Variants in PTPRG observed in about 807,000 individuals in gnomAD.
PTPRG encodes protein tyrosine phosphatase receptor type G.
Under a neutral mutation model 165.3 loss-of-function variants are expected in PTPRG, and 102 were observed. The observed-to-expected ratio is 0.62, with a 90% CI of 0.53 to 0.73. The LOEUF is 0.73. PTPRG is among the 30% of genes least tolerant of loss of function. The pLI is 0.00. For synonymous variants in PTPRG, 675 were observed against 669.5 expected (o/e 1.01, Z -0.13); for missense variants, 1,866 against 1,861.4 (o/e 1.00, Z -0.05).
At chr3:61,938,222 CT>C (rs1285863081) in intron 2 of PTPRG, among the ~76,000 whole-genome samples, 3 of 140,244 alleles carry the variant, frequency 2.1e-5, no homozygotes, top group Non-Finnish European at 3.0e-5. Context: ...CTTATCACCC[CT>C]TTTTCTTTTT....
At position 62,241,123 on chromosome 3, in the gene PTPRG, CATTT is replaced by C. The variant is rs200210913; in HGVS notation, c.2376-2683_2376-2680del. ...TTTAATTGATTTTTTTCTTTTTGTTCATTTGTCTTGCCTAATTTTTCTGCAAAGA... is the reference window on the plus strand; with the variant it reads ...TTTAATTGATTTTTTTCTTTTTGTTCGTCTTGCCTAATTTTTCTGCAAAGA... On this transcript the variant is annotated intron_variant, in intron 14 of 29. Coordinates refer to ENST00000474889, the MANE Select transcript of PTPRG (RefSeq NM_002841.4). Among the ~76,000 whole-genome samples, 94 of 152,054 alleles carry C rather than the reference CATTT, an allele frequency of 6.2e-4. No homozygotes were observed. The East Asian group carries it at 0.018, about 28-fold the overall frequency.
In PTPRG at chr3:62,295,676, G is replaced by A. The variant is rs770134773; in HGVS notation, c.*2369G>A. The A allele has an allele frequency of 1.3e-5, 2 of 152,070 alleles. No individual in the cohort carries two copies. The highest frequency in any genetic ancestry group is 2.4e-5 in the African/African-American group (1 of 41,416). 9.4% of individuals were successfully genotyped at this position (152,070 alleles called of 1,614,324 possible). A position where few individuals can be genotyped will look rare whatever the true frequency, so the allele number is the denominator to read the frequency against. ...TGTGAGCAATCTGTGTGTCTTCAGC[G>A]AGCTTGAACCAAAGTCTTCATATCC... is the stretch of plus-strand genomic sequence containing the variant. On this transcript the variant is annotated 3_prime_UTR_variant, in exon 30 of 30. Transcript: ENST00000474889.
chr3:61,733,052 T>TAA (rs1575617383), intron 1 of PTPRG, among the ~76,000 whole-genome samples: 1 of 152,188 alleles, frequency 6.6e-6, no homozygotes, highest in Non-Finnish European at 1.5e-5. Flanking sequence ...TGAAATCTCT[T>TAA]AAAAGGACAG....
At chr3:62,170,050 G>C (rs1705157847) in intron 8 of PTPRG, among the ~76,000 whole-genome samples, 1 of 152,060 alleles carries the variant, frequency 6.6e-6, no homozygotes, top group Non-Finnish European at 1.5e-5. Context: ...TTTTGTTTGA[G>C]GTTAGTGAGG....
chr3:62,224,493 A>T lies in PTPRG; in HGVS notation c.2288+5510A>T, dbSNP rs1221315745. 6.6e-6 allele frequency among the ~76,000 whole-genome samples: 1 copy of T among 152,242 alleles called. No individual in the cohort carries two copies. The highest frequency in any genetic ancestry group is 1.5e-5 in the Non-Finnish European group (1 of 68,040). ...CTCCTTCATTCACCACTGGCCACAG[A>T]TGGTCACACAGCCCCAAGGACACAG... On this transcript the variant is annotated intron_variant, in intron 13 of 29. Coordinates refer to ENST00000474889, the MANE Select transcript of PTPRG (RefSeq NM_002841.4). The surrounding 1 kb of genome is among the most constrained non-coding windows in gnomAD (Gnocchi z 4.9).
At chr3:61,694,025 A>AGAG (rs1453401813) in intron 1 of PTPRG, among the ~76,000 whole-genome samples, 3,705 of 145,984 alleles carry the variant, frequency 0.025, 165 homozygotes, top group African/African-American at 0.089. Context: ...AAAAAAAAAA[A>AGAG]AGAGAGAGAG....
intron 19 of PTPRG, 128 bp from the exon 20 acceptor site, chr3:62,268,907 C>A (rs139479818): frequency 8.6e-6 from 9 of 1,049,118 alleles, no homozygotes; most frequent in African/African-American, 1.6e-5. Flanking sequence ...GTTAAACTCA[C>A]GTATTCCTTT....
intron 2 of PTPRG, among the ~76,000 whole-genome samples, chr3:61,870,874 A>G (rs1269784295): frequency 6.6e-6 from 1 of 152,144 alleles, no homozygotes. Flanking sequence ...TAAAAGCTCA[A>G]TTAATGAATA....
At chr3:61,660,700 A>T (rs915760649) in intron 1 of PTPRG, among the ~76,000 whole-genome samples, 1 of 152,080 alleles carries the variant, frequency 6.6e-6, no homozygotes, top group Non-Finnish European at 1.5e-5. Flanking sequence ...GATAATGATG[A>T]TTGGATATTA....
chr3:62,185,274 C>T (rs1164750056), intron 8 of PTPRG, among the ~76,000 whole-genome samples: 1 of 152,192 alleles, frequency 6.6e-6, no homozygotes, highest in Admixed American at 6.5e-5. Flanking sequence ...AGGGGAAAGG[C>T]TGTTGTCAGG....
intron 5 of PTPRG, among the ~76,000 whole-genome samples, chr3:62,098,956 T>C (rs1424350400): frequency 6.6e-6 from 1 of 152,222 alleles, no homozygotes; most frequent in Non-Finnish European, 1.5e-5. Context: ...ACAAAAGGCA[T>C]ATCGTAGTGC....
intron 4 of PTPRG, among the ~76,000 whole-genome samples, chr3:62,052,885 G>A (rs921543136): frequency 2.0e-5 from 3 of 152,142 alleles, no homozygotes; most frequent in Non-Finnish European, 2.9e-5. Context: ...TTATTTACAT[G>A]TTGATAATTG....
intron 1 of PTPRG, among the ~76,000 whole-genome samples, chr3:61,703,059 A>T (rs1459212218): frequency 1.3e-5 from 2 of 152,150 alleles, no homozygotes; most frequent in African/African-American, 2.4e-5. Flanking sequence ...TTGATTCTCT[A>T]TAGGCAGAGC....
chr3:62,128,970 C>T (rs1276404474), intron 5 of PTPRG, among the ~76,000 whole-genome samples: 1 of 151,960 alleles, frequency 6.6e-6, no homozygotes, highest in Non-Finnish European at 1.5e-5. Context: ...AGACATAGAC[C>T]AGAGAATGAG....
At chr3:62,009,426 T>G (rs2041368112) in intron 4 of PTPRG, among the ~76,000 whole-genome samples, 1 of 152,210 alleles carries the variant, frequency 6.6e-6, no homozygotes. Flanking sequence ...CTTTGAACAT[T>G]CTGTTTGGGC....
chr3:61,676,760 A>T (rs1179488507), intron 1 of PTPRG, among the ~76,000 whole-genome samples: 2 of 152,112 alleles, frequency 1.3e-5, no homozygotes, highest in Non-Finnish European at 2.9e-5. Flanking sequence ...GAGAGCTATT[A>T]TAGGCCTTCC....
At chr3:61,689,478 A>C (rs142066370) in intron 1 of PTPRG, among the ~76,000 whole-genome samples, 1 of 152,218 alleles carries the variant, frequency 6.6e-6, no homozygotes, top group African/African-American at 2.4e-5. Context: ...AAGCACCTCA[A>C]ATAAATACAT....
At chr3:61,789,184 T>C (rs953928063) in intron 2 of PTPRG, among the ~76,000 whole-genome samples, 4 of 152,162 alleles carry the variant, frequency 2.6e-5, no homozygotes, top group African/African-American at 9.7e-5. Flanking sequence ...ACTGTAGCCT[T>C]GATGTCTCGG....
intron 1 of PTPRG, among the ~76,000 whole-genome samples, chr3:61,574,395 G>C (rs1259223646): frequency 1.7e-4 from 26 of 152,204 alleles, no homozygotes; most frequent in Admixed American, 1.6e-3. Flanking sequence ...TGCACAGGCA[G>C]AAGCTAAGTT....
Sources: allele counts gnomAD v4.1 joint callset (sites outside exome capture counted in the v4.1 genomes callset), GRCh38; gene constraint gnomAD v4.1.1; non-coding constraint Gnocchi (gnomAD v3.1); transcripts MANE v1.5; gene names NCBI Gene and HGNC (gene_info 2026-07-23, HGNC 2026-07-21).